Variants in SULT1A1 observed in about 807,000 individuals in gnomAD.
SULT1A1 encodes the protein sulfotransferase family 1A member 1.
A neutral mutation model predicts 36.8 loss-of-function variants in SULT1A1; 35 were observed. The ratio of observed to expected loss-of-function variants is 0.95; its 90% CI spans 0.73 to 1.26. The LOEUF (loss-of-function observed/expected upper bound fraction) is 1.26, where lower values mean the gene tolerates loss of function less well. Among genes scored for constraint, SULT1A1 ranks in the 50% most tolerant of loss-of-function variants. The probability of loss-of-function intolerance (pLI) is 0.00; values close to 1 mark genes in which losing one functional copy is unlikely to be tolerated. For missense variants in SULT1A1, 309 were observed against 383.0 expected (o/e 0.81, Z 1.61); for synonymous variants, 119 against 146.0 (o/e 0.82, Z 1.33).
At chr16:28,619,913 A>C (rs1054546313) in intron 2 of SULT1A1, 11 of 523,878 alleles carry the variant, frequency 2.1e-5, no homozygotes, top group Non-Finnish European at 3.5e-5. Flanking sequence ...ATTTTTGTGG[A>C]TCTATGTACA....
At chr16:28,614,879 A>T (rs1162421216), upstream of SULT1A1, 2 of 122,352 alleles carry the variant, frequency 1.6e-5, no homozygotes, top group Non-Finnish European at 3.8e-5. Context: ...CTCCCGTGGA[A>T]CTCTTTGAAT....
At position 28,606,116 on chromosome 16, in the gene SULT1A1, T is replaced by C. The variant is rs140288278; in HGVS notation, c.715A>G (p.Asn239Asp). The C allele has an allele frequency of 5.3e-5, 86 of 1,611,222 alleles. 5 individuals are homozygous for C. In the Middle Eastern group the frequency reaches 1.2e-3, roughly 22 times the overall value. ...FKEMKKNPMTNYTTVPQEFMD... is the reference protein window; with the variant it reads ...FKEMKKNPMTDYTTVPQEFMD... ...AACTCCTGGGGGACGGTGGTGTAGT[T>C]GGTCATAGGGTTCTTCTTCATCTCC... The change falls in exon 7 of 8, where the codon AAC becomes GAC. Residue 239 changes from asparagine (N) to aspartate (D), a missense_variant. Transcript: ENST00000314752.
chr16:28,605,466 CT>C lies in SULT1A1; in HGVS notation c.*354del, dbSNP rs1265573860. On this transcript the variant is annotated 3_prime_UTR_variant, in exon 8 of 8. Transcript: ENST00000314752. ...TCTCAAATTTTTGTAGGGATGATGT[CT>C]TGTAATGTTGAACAGGCTGGTCCCA... 2.6e-6 allele frequency: 1 copy of C among 386,770 alleles called. No homozygotes were observed. The highest frequency in any genetic ancestry group is 2.0e-5 in the African/African-American group (1 of 49,402). The allele number at this position is 386,770 out of a possible 1,614,324, so 24.0% of individuals were successfully genotyped here. A position where few individuals can be genotyped will look rare whatever the true frequency, so the allele number is the denominator to read the frequency against.
chr16:28,618,333 C>A (rs1393412548), intron 2 of SULT1A1, among the ~76,000 whole-genome samples: 1 of 141,988 alleles, frequency 7.0e-6, no homozygotes, highest in African/African-American at 2.5e-5. Flanking sequence ...CCGGCTACTT[C>A]CCGCTCTTTT....
At chr16:28,608,903 A>G (rs533961776) in intron 1 of SULT1A1, 44 bp from the exon 2 acceptor site, 9 of 1,611,240 alleles carry the variant, frequency 5.6e-6, no homozygotes, top group East Asian at 4.5e-5. Context: ...TACCACCATC[A>G]CAACAGCAAG....
upstream of SULT1A1, chr16:28,610,264 GTTTTTTTTTTT>G (rs538720119): frequency 0.013 from 4,375 of 349,358 alleles, 89 homozygotes; most frequent in African/African-American, 0.1. Context: ...TTTTTTTTCT[GTTTTTTTTTTT>G]TTTTTTTTTT....
At chr16:28,609,419 G>A (rs1321742161) in intron 1 of SULT1A1, 3 of 1,274,862 alleles carry the variant, frequency 2.4e-6, no homozygotes, top group South Asian at 2.5e-5. Flanking sequence ...GAACTGAGCT[G>A]CTACTAGGGG....
chr16:28,617,323 A>T (rs1241795399), intron 2 of SULT1A1, among the ~76,000 whole-genome samples: 1 of 152,082 alleles, frequency 6.6e-6, no homozygotes, highest in Non-Finnish European at 1.5e-5. Flanking sequence ...GGCCCCAGCA[A>T]GACTTCCTTG....
In SULT1A1 at chr16:28,608,309, C is replaced by T. The variant is rs761790417; in HGVS notation, c.354G>A (p.Leu118=). ...HLPLALLPQT[L]LDQKVKVVYV... is the part of the protein sequence containing the mutation. ...GCCTCACCTTGACCTTCTGATCCAACAGAGTCTGGGGGAGCAGAGCCAGGG... is the reference window on the plus strand; with the variant it reads ...GCCTCACCTTGACCTTCTGATCCAATAGAGTCTGGGGGAGCAGAGCCAGGG... The change falls in exon 4 of 8, where the codon CTG becomes CTA. Residue 118 remains leucine, a synonymous_variant. Coordinates refer to ENST00000314752, the MANE Select transcript of SULT1A1 (RefSeq NM_001055.4). 2.5e-6 allele frequency: 4 copies of T among 1,612,348 alleles called. No individual in the cohort carries two copies. The Admixed American group carries it at 5.0e-5, about 20-fold the overall frequency.
exon 1 of SULT1A1, chr16:28,623,172 T>G (rs758367131): frequency 4.9e-6 from 7 of 1,425,888 alleles, no homozygotes; most frequent in Non-Finnish European, 4.6e-6. Context: ...ACCGACCACC[T>G]GGTCGCACAG....
chr16:28,611,093 C>G (rs2047435335), upstream of SULT1A1: 1 of 152,412 alleles, frequency 6.6e-6, no homozygotes, highest in Non-Finnish European at 1.5e-5. Flanking sequence ...CCTCAGGCTA[C>G]TAGCTCCACC....
At chr16:28,606,650 T>C (rs4149391) in intron 6 of SULT1A1, 111 bp downstream of exon 6, 549,743 of 1,481,420 alleles carry the variant, frequency 0.37, 99,929 homozygotes, top group Admixed American at 0.46. Context: ...ATGGGGAATC[T>C]GGTCCTGCTG....
At chr16:28,616,566 G>A (rs1162405735) in intron 2 of SULT1A1, among the ~76,000 whole-genome samples, 1 of 152,166 alleles carries the variant, frequency 6.6e-6, no homozygotes, top group Non-Finnish European at 1.5e-5. Context: ...GAGATTACAG[G>A]TGTGAGCCAC....
In SULT1A1 at chr16:28,622,272, A is replaced by T. The variant is rs188868236; in HGVS notation, c.67+859T>A. 2.6e-3 allele frequency among the ~76,000 whole-genome samples: 387 copies of T among 150,376 alleles called. 3 individuals are homozygous for T. The highest frequency in any genetic ancestry group is 4.8e-3 in the Non-Finnish European group (322 of 67,374). On this transcript the variant is annotated intron_variant, in intron 1 of 5. Coordinates refer to the SULT1A1 transcript ENST00000350842. ...CCAAGTAAAACTCCCATTGATCAAA[A>T]CCCGCCTCTTGGTGGAGTCATTTGT...
Position 28,608,622 on chromosome 16 carries a change from G to A in SULT1A1, c.149-19C>T, listed in dbSNP as rs779976561. The A allele has an allele frequency of 2.1e-5, 34 of 1,611,654 alleles. 2 individuals carry two copies. Among genetic ancestry groups the A allele is most frequent in the Non-Finnish European group, 2.8e-5 (33 of 1,178,158 alleles). On this transcript the variant is annotated intron_variant, in intron 2 of 7. Coordinates refer to ENST00000314752, the MANE Select transcript of SULT1A1 (RefSeq NM_001055.4). ...GTAGTGCCTGGAGAGGGAGGGAGAT[G>A]GGAGGTGAGCAGGCTGAGGGCACGA...
intron 1 of SULT1A1, chr16:28,609,100 G>C (rs2047346663): frequency 7.0e-7 from 1 of 1,437,788 alleles, no homozygotes; most frequent in East Asian, 2.5e-5. Context: ...CCAGGGCCTG[G>C]GCCATGGTGC....
chr16:28,609,518 C>T, intron 1 of SULT1A1: 1 of 797,024 alleles, frequency 1.3e-6, no homozygotes, highest in Non-Finnish European at 1.8e-6. Flanking sequence ...AATCCCAGAC[C>T]CTAGGGAGGC....
rs777651945 is a variant in SULT1A1 at position 28,605,978 on chromosome 16, G to C, written c.776-45C>G. 2.6e-5 allele frequency: 41 copies of C among 1,602,884 alleles called. 2 individuals carry two copies. Among genetic ancestry groups the C allele is most frequent in the Non-Finnish European group, 3.3e-5 (39 of 1,172,860 alleles). ...AGCAAAGCTGGAGTCTCATCCCAGG[G>C]GAGGCCCCAAGTGCCTATGGGGAGG... is the stretch of plus-strand genomic sequence containing the variant. On this transcript the variant is annotated intron_variant, in intron 7 of 7. Transcript: ENST00000314752.
Position 28,608,369 on chromosome 16 carries a change from G to T in SULT1A1, c.294C>A (p.Asp98Glu). The change falls in exon 4 of 8, where the codon GAC becomes GAA. Residue 98 changes from aspartate (D) to glutamate (E), a missense_variant. Asp to Glu is a conservative substitution (Grantham distance 45). Coordinates refer to ENST00000314752, the MANE Select transcript of SULT1A1 (RefSeq NM_001055.4). ...GIPSGMETLKDTPAPRLLKTH... is the reference protein window; with the variant it reads ...GIPSGMETLKETPAPRLLKTH... Reference sequence around the variant, plus strand: ...TCTTCAGGAGTCGTGGGGCCGGTGTGTCTTTCAGAGTCTCCATCCCTGAGC... The same window carrying T: ...TCTTCAGGAGTCGTGGGGCCGGTGTTTCTTTCAGAGTCTCCATCCCTGAGC... 1 of 1,612,432 alleles carries T rather than the reference G, an allele frequency of 6.2e-7. No individual in the cohort carries two copies. The highest frequency in any genetic ancestry group is 8.5e-7 in the Non-Finnish European group (1 of 1,178,712).
Sources: gnomAD v4.1 joint callset for allele counts (sites outside exome capture counted in the v4.1 genomes callset) on GRCh38, gnomAD v4.1.1 for gene constraint, MANE v1.5 for transcripts, NCBI Gene and HGNC (gene_info 2026-07-23, HGNC 2026-07-21) for gene names.